The following OTUD7A variants were observed in gnomAD, a reference collection of about 807,000 sequenced individuals.
OTUD7A encodes OTU deubiquitinase 7A.
In OTUD7A, 12 loss-of-function variants were observed where a neutral mutation model predicts 65.7. The observed-to-expected ratio is 0.18, with a 90% CI of 0.12 to 0.30. OTUD7A has a LOEUF of 0.30. Ranked by LOEUF, OTUD7A falls within the 10% of genes least tolerant of loss-of-function variation. OTUD7A has a pLI of 1.00. For missense variants in OTUD7A, 1,148 were observed against 1,304.8 expected, an observed-to-expected ratio of 0.88 and a Z score of 1.85; for synonymous variants, 641 against 586.3, an observed-to-expected ratio of 1.09 and a Z score of -1.35.
At chr15:31,814,368 T>G (rs571838752) in intron 1 of OTUD7A, among the ~76,000 whole-genome samples, 1 of 152,182 alleles carries the variant, frequency 6.6e-6, no homozygotes, top group African/African-American at 2.4e-5. Flanking sequence ...CCGAGTGCCC[T>G]GAAGAACTGA....
chr15:31,735,422 G>C (rs950249096), intron 1 of OTUD7A, among the ~76,000 whole-genome samples: 1 of 152,152 alleles, frequency 6.6e-6, no homozygotes, highest in Non-Finnish European at 1.5e-5. Context: ...CAGCTACTCG[G>C]GAGGCTGATG....
intron 1 of OTUD7A, among the ~76,000 whole-genome samples, chr15:31,842,940 A>G (rs1897218812): frequency 6.6e-6 from 1 of 152,156 alleles, no homozygotes; most frequent in Non-Finnish European, 1.5e-5. Flanking sequence ...CAGGAAGCCA[A>G]GGGCTGAGGG....
chr15:31,857,333 AGC>A (rs2141011586), intron 1 of OTUD7A, among the ~76,000 whole-genome samples: 1 of 152,296 alleles, frequency 6.6e-6, no homozygotes, highest in Non-Finnish European at 1.5e-5. Flanking sequence ...GAACTGCCTT[AGC>A]CAGGAGCCGG....
chr15:31,637,576 G>A (rs1357223288), intron 3 of OTUD7A, among the ~76,000 whole-genome samples: 3 of 152,168 alleles, frequency 2.0e-5, no homozygotes, highest in African/African-American at 4.8e-5. Context: ...CATTTTATAA[G>A]GCTATAACTG....
At position 31,501,670 on chromosome 15, in the gene OTUD7A, C is replaced by T; in HGVS notation, c.1171+20G>A. 9.9e-6 allele frequency: 16 copies of T among 1,614,074 alleles called. No individual in the cohort carries two copies. Among genetic ancestry groups the T allele is most frequent in the Non-Finnish European group, 1.4e-5 (16 of 1,179,976 alleles). On this transcript the variant is annotated intron_variant, in intron 10 of 12. Coordinates refer to ENST00000307050, the MANE Select transcript of OTUD7A (RefSeq NM_001382637.1). ...CCCACCCTAGGCTCCTGCGTGCACT[C>T]TCTTGGGAGACAGGCATACCTTGTT...
chr15:31,494,019 C>G (rs2041352153), intron 10 of OTUD7A, among the ~76,000 whole-genome samples: 1 of 152,240 alleles, frequency 6.6e-6, no homozygotes, highest in African/African-American at 2.4e-5. Flanking sequence ...TACGTGAGGC[C>G]AAGGCCAGCC....
At chr15:31,810,553 G>A (rs1896391383) in intron 1 of OTUD7A, among the ~76,000 whole-genome samples, 1 of 152,148 alleles carries the variant, frequency 6.6e-6, no homozygotes. Context: ...AAGCTGAGGA[G>A]AGAGCCCTCA....
chr15:31,604,981 C>G (rs933668775), intron 3 of OTUD7A, among the ~76,000 whole-genome samples: 2 of 152,180 alleles, frequency 1.3e-5, no homozygotes, highest in African/African-American at 4.8e-5. Context: ...CAGAGCAGCC[C>G]GGGAGGCACA....
intron 1 of OTUD7A, among the ~76,000 whole-genome samples, chr15:31,795,928 CTGA>C (rs1315933347): frequency 6.6e-6 from 1 of 152,236 alleles, no homozygotes; most frequent in Non-Finnish European, 1.5e-5. Context: ...TCAAGCTTCT[CTGA>C]GCCTGGCCCC....
In OTUD7A at chr15:31,484,270, TCCG is replaced by T; in HGVS notation, c.1823_1825del (p.Ala608del). ...GTCGCCCCGCGGCCCACCGCCCTTC[TCCG>T]CCGGCGACGCGCCCGCTGCCTTGTC... On this transcript the variant is annotated inframe_deletion, in exon 13 of 13. Transcript: ENST00000307050. The surrounding 1 kb of genome is among the most constrained non-coding windows in gnomAD (Gnocchi z 4.5). 1 of 1,593,864 alleles carries T rather than the reference TCCG, an allele frequency of 6.3e-7. No individual in the cohort carries two copies. Among genetic ancestry groups the T allele is most frequent in the East Asian group, 2.3e-5 (1 of 44,230 alleles).
chr15:31,669,726 GT>G (rs1413890350), intron 1 of OTUD7A, among the ~76,000 whole-genome samples: 1 of 152,070 alleles, frequency 6.6e-6, no homozygotes, highest in African/African-American at 2.4e-5. Flanking sequence ...TCCCTGTGGT[GT>G]TTTTCCCCCC....
At chr15:31,821,012 T>C (rs940409553) in intron 1 of OTUD7A, among the ~76,000 whole-genome samples, 2 of 152,204 alleles carry the variant, frequency 1.3e-5, no homozygotes, top group African/African-American at 4.8e-5. Flanking sequence ...TCTCTATTGG[T>C]TTGCCTATTC....
intron 2 of OTUD7A, among the ~76,000 whole-genome samples, chr15:31,655,794 A>AAGAC (rs1353871871): frequency 6.6e-6 from 1 of 152,188 alleles, no homozygotes; most frequent in African/African-American, 2.4e-5. Flanking sequence ...ATGAGGAAAA[A>AAGAC]AGACTATTTT....
At chr15:31,803,517 T>A (rs1896189284) in intron 1 of OTUD7A, among the ~76,000 whole-genome samples, 1 of 152,166 alleles carries the variant, frequency 6.6e-6, no homozygotes, top group African/African-American at 2.4e-5. Flanking sequence ...GCCTCTGCCC[T>A]TGTCTTGCTG....
intron 3 of OTUD7A, among the ~76,000 whole-genome samples, chr15:31,609,534 A>G (rs1397056296): frequency 1.3e-5 from 2 of 151,190 alleles, no homozygotes; most frequent in Non-Finnish European, 3.0e-5. Flanking sequence ...TGGGAACCTC[A>G]CCCCCATTCC....
intron 1 of OTUD7A, among the ~76,000 whole-genome samples, chr15:31,860,701 GTATGTA>G (rs1897715592): frequency 3.2e-5 from 1 of 30,838 alleles, no homozygotes. Flanking sequence ...ATATATATAT[GTATGTA>G]TATATATATA....
rs111997554 is a variant in OTUD7A, at chr15:31,480,542, G to A, written c.*2752C>T. On this transcript the variant is annotated 3_prime_UTR_variant, in exon 13 of 13. Coordinates refer to ENST00000307050, the MANE Select transcript of OTUD7A (RefSeq NM_001382637.1). ...TCCCTGCTCCACAAAGGGCCCTCAC[G>A]CCATGGAACACGAGGGAAGCCCTTG... 1,116 of 152,346 alleles carry A rather than the reference G, an allele frequency of 7.3e-3. 5 individuals carry two copies. The highest frequency in any genetic ancestry group is 0.014 in the Middle Eastern group (4 of 294). 9.4% of individuals were successfully genotyped at this position (152,346 alleles called of 1,614,324 possible). A position where few individuals can be genotyped will look rare whatever the true frequency, so the allele number is the denominator to read the frequency against.
intron 1 of OTUD7A, among the ~76,000 whole-genome samples, chr15:31,792,809 G>A (rs1002149145): frequency 3.3e-5 from 5 of 152,206 alleles, no homozygotes; most frequent in Non-Finnish European, 7.3e-5. Flanking sequence ...TGGCCCCAGT[G>A]GGACACAAGG....
chr15:31,587,757 G>A (rs1056604877), intron 3 of OTUD7A, among the ~76,000 whole-genome samples: 1 of 152,062 alleles, frequency 6.6e-6, no homozygotes, highest in Non-Finnish European at 1.5e-5. Context: ...CAGGCCCTTG[G>A]CAATCTGGCC....
Sources: gnomAD v4.1 joint callset for allele counts (sites outside exome capture counted in the v4.1 genomes callset) on GRCh38, gnomAD v4.1.1 for gene constraint, Gnocchi (gnomAD v3.1) non-coding constraint, MANE v1.5 for transcripts, NCBI Gene and HGNC (gene_info 2026-07-23, HGNC 2026-07-21) for gene names.